The following ZFHX3 variants were observed in gnomAD, a reference collection of about 807,000 sequenced individuals.
ZFHX3 encodes the protein zinc finger homeobox protein 3.
ZFHX3 carries 42 observed loss-of-function variants against 279.1 expected under a neutral mutation model. That is an observed-to-expected ratio of 0.15 (90% CI 0.12 to 0.19). The LOEUF is 0.19. Ranked by LOEUF, ZFHX3 falls within the 10% of genes least tolerant of loss-of-function variation. ZFHX3 has a pLI of 1.00. For missense variants in ZFHX3, 4,981 were observed against 4,754.0 expected, an observed-to-expected ratio of 1.05 and a Z score of -1.40; for synonymous variants, 2,293 against 1,957.8, an observed-to-expected ratio of 1.17 and a Z score of -4.52.
chr16:73,381,473 A>G (rs540692418), intron 3 of ZFHX3, among the ~76,000 whole-genome samples: 1 of 152,334 alleles, frequency 6.6e-6, no homozygotes, highest in South Asian at 2.1e-4. Context: ...TGAGTGGAAA[A>G]GAATGGAAAA....
chr16:73,385,340 A>G (rs2016880537), intron 3 of ZFHX3, among the ~76,000 whole-genome samples: 1 of 152,228 alleles, frequency 6.6e-6, no homozygotes. Context: ...AATTAGGGCC[A>G]TGAACACTCC....
intron 3 of ZFHX3, among the ~76,000 whole-genome samples, chr16:73,323,437 A>G (rs866249116): frequency 6.6e-6 from 1 of 152,182 alleles, no homozygotes; most frequent in African/African-American, 2.4e-5. Context: ...GAAGTGAGGG[A>G]ACAAGGGAGG....
At chr16:72,934,218 A>G (rs1959986714) in intron 3 of ZFHX3, among the ~76,000 whole-genome samples, 1 of 152,158 alleles carries the variant, frequency 6.6e-6, no homozygotes, top group Non-Finnish European at 1.5e-5. Context: ...TGAGGTCAGG[A>G]GTTCGAGACC....
chr16:72,973,595 T>C (rs984696969), intron 1 of ZFHX3: 1 of 152,268 alleles, frequency 6.6e-6, no homozygotes, highest in African/African-American at 2.4e-5. Flanking sequence ...TCCTCGCCTA[T>C]TGGCCAGGCA....
At chr16:73,808,683 T>C (rs1230895346) in intron 1 of ZFHX3, among the ~76,000 whole-genome samples, 1 of 152,160 alleles carries the variant, frequency 6.6e-6, no homozygotes, top group Non-Finnish European at 1.5e-5. Context: ...CCCTTGATTA[T>C]GTGATGTACA....
chr16:73,327,283 T>C (rs957642573), intron 3 of ZFHX3, among the ~76,000 whole-genome samples: 8 of 152,188 alleles, frequency 5.3e-5, no homozygotes, highest in African/African-American at 1.9e-4. Context: ...TGGCTTCTAC[T>C]GCCATGACCT....
chr16:72,892,127 A>G (rs1400363742), intron 3 of ZFHX3, among the ~76,000 whole-genome samples: 1 of 152,230 alleles, frequency 6.6e-6, no homozygotes, highest in African/African-American at 2.4e-5. Flanking sequence ...CACGTGTGAA[A>G]AATCCAGAAG....
intron 5 of ZFHX3, among the ~76,000 whole-genome samples, chr16:73,252,812 G>A (rs969099661): frequency 6.6e-6 from 1 of 152,158 alleles, no homozygotes; most frequent in African/African-American, 2.4e-5. Context: ...ATAGACCAAC[G>A]GGCAGACTCC....
At chr16:73,314,278 C>A (rs1195464189) in intron 4 of ZFHX3, among the ~76,000 whole-genome samples, 1 of 152,188 alleles carries the variant, frequency 6.6e-6, no homozygotes, top group Non-Finnish European at 1.5e-5. Flanking sequence ...GAGTCTTGAG[C>A]CTGCTGGCCA....
At chr16:73,511,198 C>T (rs1416369492) in intron 2 of ZFHX3, among the ~76,000 whole-genome samples, 1 of 152,190 alleles carries the variant, frequency 6.6e-6, no homozygotes, top group Non-Finnish European at 1.5e-5. Flanking sequence ...TGAAAAGTTC[C>T]TCGCAAGTTC....
At chr16:73,804,926 G>GAGGGAGGGAGAGAGGGAGAGTA (rs1960237003) in intron 1 of ZFHX3, among the ~76,000 whole-genome samples, 1 of 116,034 alleles carries the variant, frequency 8.6e-6, no homozygotes, top group Admixed American at 8.1e-5. Context: ...GAGGGAGAGG[G>GAGGGAGGGAGAGAGGGAGAGTA]AGGGAGGGAG....
intron 3 of ZFHX3, among the ~76,000 whole-genome samples, chr16:73,332,867 C>T (rs1176448680): frequency 6.6e-6 from 1 of 152,170 alleles, no homozygotes; most frequent in Non-Finnish European, 1.5e-5. Flanking sequence ...ATAGTGAAGA[C>T]TAGTGATTTT....
rs553867874 is a variant in ZFHX3 at position 73,712,790 on chromosome 16, G to T, written c.-1607-32550C>A. 1.5e-4 allele frequency among the ~76,000 whole-genome samples: 23 copies of T among 152,288 alleles called. No homozygotes were observed. The South Asian group carries it at 1.9e-3, about 12-fold the overall frequency. ...TCTTTGTTTTCACCGTAAGAGGGGGGATATATAATCTTGGCTGCCCAGAAA... is the reference window on the plus strand; with the variant it reads ...TCTTTGTTTTCACCGTAAGAGGGGGTATATATAATCTTGGCTGCCCAGAAA... On this transcript the variant is annotated intron_variant, in intron 1 of 17. Coordinates refer to the ZFHX3 transcript ENST00000641206.
intron 2 of ZFHX3, among the ~76,000 whole-genome samples, chr16:73,620,184 G>A (rs556353990): frequency 1.1e-4 from 17 of 152,218 alleles, no homozygotes; most frequent in African/African-American, 3.9e-4. Context: ...GATGGGTGGG[G>A]GCACCCAGCA....
intron 1 of ZFHX3, among the ~76,000 whole-genome samples, chr16:73,740,530 A>G (rs1339508957): frequency 3.3e-5 from 5 of 152,162 alleles, no homozygotes; most frequent in Admixed American, 3.3e-4. Context: ...TCAAATCATA[A>G]GAAAAAGAAA....
At chr16:73,748,627 C>T (rs1307507902) in intron 1 of ZFHX3, among the ~76,000 whole-genome samples, 1 of 152,164 alleles carries the variant, frequency 6.6e-6, no homozygotes, top group Non-Finnish European at 1.5e-5. Flanking sequence ...ATCACTCCTA[C>T]CTCCAGGCTT....
chr16:72,847,472 G>A (rs568069311), intron 4 of ZFHX3, among the ~76,000 whole-genome samples: 4 of 152,202 alleles, frequency 2.6e-5, no homozygotes, highest in African/African-American at 9.6e-5. Flanking sequence ...TACCCTGGGA[G>A]CTCCAAGAAA....
chr16:73,341,196 C>A (rs1310953196), intron 3 of ZFHX3, among the ~76,000 whole-genome samples: 1 of 151,944 alleles, frequency 6.6e-6, no homozygotes, highest in African/African-American at 2.4e-5. Context: ...CAAAAATTAG[C>A]CGGGTGTGAT....
chr16:73,400,171 A>T (rs1196627944), intron 3 of ZFHX3: 1 of 151,888 alleles, frequency 6.6e-6, no homozygotes, highest in East Asian at 1.9e-4. Flanking sequence ...AGGTTAAGTG[A>T]TTGCCCTGAA....
Sources: gnomAD v4.1 joint callset for allele counts (sites outside exome capture counted in the v4.1 genomes callset) on GRCh38, gnomAD v4.1.1 for gene constraint, MANE v1.5 for transcripts, NCBI Gene and HGNC (gene_info 2026-07-23, HGNC 2026-07-21) for gene names.